The following KCNQ1 variants were observed in gnomAD, a reference collection of about 807,000 sequenced individuals.
The protein encoded by KCNQ1 is potassium voltage-gated channel subfamily Q member 1.
A neutral mutation model predicts 72.4 loss-of-function variants in KCNQ1; 49 were observed. That is an observed-to-expected ratio of 0.68 (90% CI 0.54 to 0.86). The LOEUF is 0.86. Among genes scored for constraint, KCNQ1 ranks in the 40% least tolerant of loss-of-function variants. KCNQ1 has a pLI of 0.00. For synonymous variants in KCNQ1, 450 were observed against 412.6 expected (o/e 1.09, Z -1.10); for missense variants, 790 against 945.1 (o/e 0.84, Z 2.15).
At chr11:2,680,692 A>T in intron 11 of KCNQ1, 1 of 398,440 alleles carries the variant, frequency 2.5e-6, no homozygotes. Flanking sequence ...AGAATCCCTC[A>T]TGTCCCCCTT....
Position 2,588,972 on chromosome 11 carries a change from G to T in KCNQ1, c.1393+118G>T. ...GCTGTGGTCTCTGACAACGAGGTATGAACAGACAGAGGGTGGAGCTTCTAG... is the reference window on the plus strand; with the variant it reads ...GCTGTGGTCTCTGACAACGAGGTATTAACAGACAGAGGGTGGAGCTTCTAG... On this transcript the variant is annotated intron_variant, in intron 10 of 15. Transcript: ENST00000155840. This position sits in a 1 kb window ranked among gnomAD's most constrained non-coding sequence, Gnocchi z 5.6. 1 of 1,212,806 alleles carries T rather than the reference G, an allele frequency of 8.2e-7. No individual in the cohort carries two copies. The highest frequency in any genetic ancestry group is 1.2e-6 in the Non-Finnish European group (1 of 850,870). The allele number at this position is 1,212,806 out of a possible 1,614,324, so 75.1% of individuals were successfully genotyped here.
chr11:2,740,181 C>T (rs1041540968), intron 11 of KCNQ1, among the ~76,000 whole-genome samples: 1 of 152,100 alleles, frequency 6.6e-6, no homozygotes, highest in African/African-American at 2.4e-5. Context: ...ATGGGCTGGG[C>T]CTGGCCTCTG....
chr11:2,675,811 T>C (rs1850283380), intron 11 of KCNQ1: 1 of 398,614 alleles, frequency 2.5e-6, no homozygotes. Context: ...GCCACGTGCA[T>C]GCAGGGCTGC....
At position 2,695,797 on chromosome 11, in the gene KCNQ1, A is replaced by G. The variant is rs1590038087; in HGVS notation, c.1514+33716A>G. 1.5e-5 allele frequency: 6 copies of G among 398,648 alleles called. No individual in the cohort carries two copies. The highest frequency in any genetic ancestry group is 4.1e-5 in the African/African-American group (2 of 48,740). The allele number at this position is 398,648 out of a possible 1,614,324, so 24.7% of individuals were successfully genotyped here. ...CTACTTTCTAATGCTTCTCCTATGA[A>G]GAATAGCTGTTGCTTTCATTTACAT... On this transcript the variant is annotated intron_variant, in intron 11 of 15. Transcript: ENST00000155840. The surrounding 1 kb of genome is among the most constrained non-coding windows in gnomAD (Gnocchi z 5.2).
At chr11:2,665,499 T>C (rs1224072840) in intron 11 of KCNQ1, 1 of 395,156 alleles carries the variant, frequency 2.5e-6, no homozygotes, top group Non-Finnish European at 4.4e-6. Context: ...TGCATCCCTG[T>C]GCCTTGCGTG....
In KCNQ1 at chr11:2,483,511, G is replaced by A. The variant is rs989637875; in HGVS notation, c.386+38027G>A. On this transcript the variant is annotated intron_variant, in intron 1 of 15. Transcript: ENST00000155840. This position sits in a 1 kb window ranked among gnomAD's most constrained non-coding sequence, Gnocchi z 6.1. Reference sequence around the variant, plus strand: ...CCGGTTTCTGTTCTGTGATCCCCACGTTGCTTTCAGCTGCCAGGTCTCCTT... The same window carrying A: ...CCGGTTTCTGTTCTGTGATCCCCACATTGCTTTCAGCTGCCAGGTCTCCTT... Among the ~76,000 whole-genome samples, 28 of 152,078 alleles carry A rather than the reference G, an allele frequency of 1.8e-4. No individual in the cohort carries two copies. The highest frequency in any genetic ancestry group is 2.9e-5 in the Non-Finnish European group (2 of 68,000).
At chr11:2,584,417 G>A (rs1848555399) in intron 7 of KCNQ1, among the ~76,000 whole-genome samples, 1 of 150,348 alleles carries the variant, frequency 6.7e-6, no homozygotes, top group Non-Finnish European at 1.5e-5. Context: ...GTGTTTCTGT[G>A]TTAGTGTGTG....
At position 2,653,533 on chromosome 11, in the gene KCNQ1, C is replaced by T. The variant is rs1296817561; in HGVS notation, c.1394-8428C>T. On this transcript the variant is annotated intron_variant, in intron 10 of 15. Coordinates refer to ENST00000155840, the MANE Select transcript of KCNQ1 (RefSeq NM_000218.3). The surrounding 1 kb of genome is among the most constrained non-coding windows in gnomAD (Gnocchi z 5.3). ...ATCTTGCTCACTTGCTCTCACTCTC[C>T]CCTCTTGCACTCCCCTTCTCCCTTC... The T allele has an allele frequency of 2.5e-6, 1 of 398,694 alleles. No homozygotes were observed. Among genetic ancestry groups the T allele is most frequent in the Non-Finnish European group, 4.4e-6 (1 of 226,192 alleles). The allele number at this position is 398,694 out of a possible 1,614,324, so 24.7% of individuals were successfully genotyped here. A position where few individuals can be genotyped will look rare whatever the true frequency, so the allele number is the denominator to read the frequency against.
rs1049000633 is a variant in KCNQ1, at chr11:2,617,660, C to T, written c.1393+28806C>T. On this transcript the variant is annotated intron_variant, in intron 10 of 15. Transcript: ENST00000155840. This position sits in a 1 kb window ranked among gnomAD's most constrained non-coding sequence, Gnocchi z 4.6. ...CATTCTGTTTTTCATTATGACTGCA[C>T]CAATCTACAGTCCCACCAACACTGT... 2.5e-6 allele frequency: 1 copy of T among 398,314 alleles called. No individual in the cohort carries two copies. Among genetic ancestry groups the T allele is most frequent in the African/African-American group, 2.1e-5 (1 of 48,586 alleles). 24.7% of individuals were successfully genotyped at this position (398,314 alleles called of 1,614,324 possible). A position where few individuals can be genotyped will look rare whatever the true frequency, so the allele number is the denominator to read the frequency against.
intron 2 of KCNQ1, among the ~76,000 whole-genome samples, chr11:2,553,167 T>TG (rs1488866864): frequency 0.012 from 1,662 of 142,886 alleles, 41 homozygotes; most frequent in African/African-American, 0.043. Context: ...TTTTTGTTTT[T>TG]TTTTTTTTTG....
chr11:2,471,317 G>C lies in KCNQ1; in HGVS notation c.386+25833G>C, dbSNP rs1319726415. Among the ~76,000 whole-genome samples the C allele has an allele frequency of 1.3e-5, 2 of 152,138 alleles. No homozygotes were observed. The highest frequency in any genetic ancestry group is 4.1e-4 in the South Asian group (2 of 4,834). ...CAGGGCTGTACCCCAAATGCTGCTT[G>C]CTTCTCCCGCCCTCCTCCCTCTCCC... On this transcript the variant is annotated intron_variant, in intron 1 of 15. Coordinates refer to ENST00000155840, the MANE Select transcript of KCNQ1 (RefSeq NM_000218.3). This position sits in a 1 kb window ranked among gnomAD's most constrained non-coding sequence, Gnocchi z 4.8.
At position 2,516,318 on chromosome 11, in the gene KCNQ1, G is replaced by C. The variant is rs6578270; in HGVS notation, c.387-11610G>C. Among the ~76,000 whole-genome samples, 1 of 151,852 alleles carries C rather than the reference G, an allele frequency of 6.6e-6. No homozygotes were observed. The highest frequency in any genetic ancestry group is 1.5e-5 in the Non-Finnish European group (1 of 67,986). On this transcript the variant is annotated intron_variant, in intron 1 of 15. Transcript: ENST00000155840. The surrounding 1 kb of genome is among the most constrained non-coding windows in gnomAD (Gnocchi z 7.0). ...ATGAAGTTTAGAGGCGACAGGAGGA[G>C]GTGGGCTTTAAATGGCTCAGTCCCA...
At position 2,768,841 on chromosome 11, in the gene KCNQ1, C is replaced by T. The variant is rs1564886312; in HGVS notation, c.1515-3C>T. 1 of 1,613,518 alleles carries T rather than the reference C, an allele frequency of 6.2e-7. No homozygotes were observed. Among genetic ancestry groups the T allele is most frequent in the Non-Finnish European group, 8.5e-7 (1 of 1,179,460 alleles). On this transcript the variant is annotated splice_polypyrimidine_tract_variant and splice_region_variant and intron_variant, in intron 11 of 15. Transcript: ENST00000155840. The surrounding 1 kb of genome is among the most constrained non-coding windows in gnomAD (Gnocchi z 6.7). ...ACAATCTCCTCTCCTCTCTCCACTG[C>T]AGGCTGCGGGAACACCATCGGGCCA...
chr11:2,497,127 C>G lies in KCNQ1; in HGVS notation c.387-30801C>G, dbSNP rs1589912967. ...GTCCTTCATTTAAACCTTGGAGAAT[C>G]TGACAATTATATGTCTTGGGGTTGC... is the stretch of plus-strand genomic sequence containing the variant. On this transcript the variant is annotated intron_variant, in intron 1 of 15. Coordinates refer to ENST00000155840, the MANE Select transcript of KCNQ1 (RefSeq NM_000218.3). The surrounding 1 kb of genome is among the most constrained non-coding windows in gnomAD (Gnocchi z 4.5). 6.6e-6 allele frequency among the ~76,000 whole-genome samples: 1 copy of G among 152,154 alleles called. No individual in the cohort carries two copies. Among genetic ancestry groups the G allele is most frequent in the African/African-American group, 2.4e-5 (1 of 41,422 alleles).
chr11:2,469,851 T>G (rs1846416211), intron 1 of KCNQ1, among the ~76,000 whole-genome samples: 1 of 150,948 alleles, frequency 6.6e-6, no homozygotes, highest in Admixed American at 6.6e-5. Flanking sequence ...TTTTTTGTAT[T>G]TTTATAGAGA....
chr11:2,609,874 T>C (rs1848949926), intron 10 of KCNQ1: 1 of 398,176 alleles, frequency 2.5e-6, no homozygotes, highest in Non-Finnish European at 4.4e-6. Flanking sequence ...TATATCTTTT[T>C]CCATCCTTTT....
At position 2,603,857 on chromosome 11, in the gene KCNQ1, A is replaced by AT. The variant is rs776003099; in HGVS notation, c.1393+15008dup. On this transcript the variant is annotated intron_variant, in intron 10 of 15. Transcript: ENST00000155840. This position sits in a 1 kb window ranked among gnomAD's most constrained non-coding sequence, Gnocchi z 4.1. ...GGGCACGCACCACCAAGCCCGGCTA[A>AT]TTTTTGTATTTTTAGTAGTGACGGG... 2.0e-4 allele frequency among the ~76,000 whole-genome samples: 30 copies of AT among 151,892 alleles called. No individual in the cohort carries two copies. The highest frequency in any genetic ancestry group is 3.8e-4 in the Non-Finnish European group (26 of 67,958).
intron 11 of KCNQ1, among the ~76,000 whole-genome samples, chr11:2,714,637 G>C (rs1018100443): frequency 2.0e-5 from 3 of 152,196 alleles, no homozygotes; most frequent in Admixed American, 2.0e-4. Flanking sequence ...AAAGGAGGAA[G>C]CGGCATGCCA....
rs1848397482 is a variant in KCNQ1 at position 2,848,812 on chromosome 11, G to C, written c.*809G>C. The C allele has an allele frequency of 2.2e-6, 1 of 454,044 alleles. No homozygotes were observed. Among genetic ancestry groups the C allele is most frequent in the African/African-American group, 2.0e-5 (1 of 50,018 alleles). 28.1% of individuals were successfully genotyped at this position (454,044 alleles called of 1,614,324 possible). Reference sequence around the variant, plus strand: ...CAGAAGGGGACTGCCACCTCCCCTTGCCAGCTGCTGAGCCGCAGAGAAGTG... The same window carrying C: ...CAGAAGGGGACTGCCACCTCCCCTTCCCAGCTGCTGAGCCGCAGAGAAGTG... On this transcript the variant is annotated 3_prime_UTR_variant, in exon 16 of 16. Coordinates refer to ENST00000155840, the MANE Select transcript of KCNQ1 (RefSeq NM_000218.3).
Sources: gnomAD v4.1 joint callset for allele counts (sites outside exome capture counted in the v4.1 genomes callset) on GRCh38, gnomAD v4.1.1 for gene constraint, Gnocchi (gnomAD v3.1) non-coding constraint, MANE v1.5 for transcripts, NCBI Gene and HGNC (gene_info 2026-07-23, HGNC 2026-07-21) for gene names.